Variants in TNS3 observed in about 807,000 individuals in gnomAD.
The protein encoded by TNS3 is tensin 3.
In TNS3, 45 loss-of-function variants were observed where a neutral mutation model predicts 140.9. The ratio of observed to expected loss-of-function variants is 0.32; its 90% CI spans 0.25 to 0.41. TNS3 has a LOEUF of 0.41. TNS3 is among the 10% of genes least tolerant of loss of function. The pLI, the probability that TNS3 is intolerant of heterozygous loss-of-function variation, is 1.00. For synonymous variants in TNS3, 815 were observed against 788.4 expected (o/e 1.03, Z -0.56); for missense variants, 1,716 against 1,906.7 (o/e 0.90, Z 1.86).
Position 47,305,050 on chromosome 7 carries a change from G to T in TNS3, c.2651-47C>A. On this transcript the variant is annotated intron_variant, in intron 20 of 30. Coordinates refer to ENST00000311160, the MANE Select transcript of TNS3 (RefSeq NM_022748.12). ...CAGAGAGACCTCGGTTGTAGGACTG[G>T]AGAAGTCATAATCTCTGCTGCTTTT... 3 of 1,305,984 alleles carry T rather than the reference G, an allele frequency of 2.3e-6. No homozygotes were observed. In the East Asian group the frequency reaches 8.4e-5, roughly 37 times the overall value. The allele number at this position is 1,305,984 out of a possible 1,614,324, so 80.9% of individuals were successfully genotyped here. A position where few individuals can be genotyped will look rare whatever the true frequency, so the allele number is the denominator to read the frequency against.
rs896174124 is a variant in TNS3, at chr7:47,408,326, C to T, written c.723+3401G>A. The stretch of plus-strand genomic sequence containing the variant: ...CACCCCTTCCAAGTCCCACCCACAC[C>T]GCCCACTCAAAGCCTCATTCCAACT... On this transcript the variant is annotated intron_variant, in intron 13 of 30. Transcript: ENST00000311160. Among the ~76,000 whole-genome samples the T allele has an allele frequency of 4.6e-5, 7 of 152,304 alleles. No individual in the cohort carries two copies. In the South Asian group the frequency reaches 6.2e-4, roughly 14 times the overall value.
In TNS3 at chr7:47,337,140, T is replaced by C. The variant is rs574131341; in HGVS notation, c.2650+7615A>G. 5.3e-5 allele frequency among the ~76,000 whole-genome samples: 8 copies of C among 152,370 alleles called. No individual in the cohort carries two copies. In the East Asian group the frequency reaches 7.7e-4, roughly 15 times the overall value. ...TTAGCAAGAACCCCCCTACCCTTGA[T>C]GTCCCTTCTTAATGACTTTCCATCC... On this transcript the variant is annotated intron_variant, in intron 20 of 30. Coordinates refer to ENST00000311160, the MANE Select transcript of TNS3 (RefSeq NM_022748.12).
At chr7:47,442,116 A>G in intron 4 of TNS3, 61 bp from the exon 5 acceptor site, 1 of 1,097,650 alleles carries the variant, frequency 9.1e-7, no homozygotes, top group Non-Finnish European at 1.2e-6. Flanking sequence ...TACATGACAC[A>G]GACACCACTG....
chr7:47,292,900 G>T lies in TNS3; in HGVS notation c.3778C>A (p.Leu1260Met). Residue 1260 changes from leucine to methionine, a missense_variant, in exon 26 of 31, where the codon CTG becomes ATG. This residue lies in a region of TNS3 where 216 missense variants were observed against 295.7 expected (regional missense o/e 0.73). Transcript: ENST00000311160. ...GCSNEPYFGS[L>M]TALVCQHSIT... ...GAATGCTGGCACACCAAGGCCGTCAGGCTCCCTGCAAAGTGGACAGACAGC... is the reference window on the plus strand; with the variant it reads ...GAATGCTGGCACACCAAGGCCGTCATGCTCCCTGCAAAGTGGACAGACAGC... 1 of 1,614,060 alleles carries T rather than the reference G, an allele frequency of 6.2e-7. No individual in the cohort carries two copies. The highest frequency in any genetic ancestry group is 1.3e-5 in the African/African-American group (1 of 75,054).
chr7:47,496,770 G>A (rs895214623), intron 3 of TNS3, among the ~76,000 whole-genome samples: 13 of 152,202 alleles, frequency 8.5e-5, no homozygotes, highest in African/African-American at 3.1e-4. Flanking sequence ...AAGCAGGCAG[G>A]GACACCTGCA....
intron 1 of TNS3, among the ~76,000 whole-genome samples, chr7:47,577,193 T>C (rs1182986514): frequency 6.6e-6 from 1 of 152,182 alleles, no homozygotes. Context: ...TCATCCTTCC[T>C]GGGTGCCGAC....
At chr7:47,429,563 T>A (rs983600294) in intron 8 of TNS3, among the ~76,000 whole-genome samples, 1 of 152,110 alleles carries the variant, frequency 6.6e-6, no homozygotes, top group African/African-American at 2.4e-5. Context: ...GAGATGGGGT[T>A]TCACCATGTT....
At chr7:47,339,465 C>T (rs892297380) in intron 20 of TNS3, among the ~76,000 whole-genome samples, 1 of 152,134 alleles carries the variant, frequency 6.6e-6, no homozygotes, top group African/African-American at 2.4e-5. Context: ...CCCCGACTTG[C>T]TTCTGTACCT....
chr7:47,351,849 G>A (rs1375964670), intron 17 of TNS3, among the ~76,000 whole-genome samples: 2 of 152,098 alleles, frequency 1.3e-5, no homozygotes, highest in Admixed American at 1.3e-4. Flanking sequence ...GCTCCCTGGA[G>A]ACTGGAGCTG....
intron 19 of TNS3, 31 bp from the exon 20 acceptor site, chr7:47,344,869 G>C (rs751109502): frequency 6.2e-7 from 1 of 1,613,444 alleles, no homozygotes; most frequent in Non-Finnish European, 8.5e-7. Context: ...AGGGGCTGTT[G>C]TCACCCTCCT....
At chr7:47,336,088 G>T (rs76722723) in intron 20 of TNS3, among the ~76,000 whole-genome samples, 1 of 151,756 alleles carries the variant, frequency 6.6e-6, no homozygotes, top group African/African-American at 2.4e-5. Context: ...TGCTGAATGC[G>T]GAAAATCTTT....
At chr7:47,406,774 A>C (rs1417506096) in intron 13 of TNS3, among the ~76,000 whole-genome samples, 1 of 152,184 alleles carries the variant, frequency 6.6e-6, no homozygotes, top group Non-Finnish European at 1.5e-5. Context: ...TGAACTTTAC[A>C]CAGAAAAGGC....
intron 27 of TNS3, among the ~76,000 whole-genome samples, chr7:47,291,071 C>G (rs1460420786): frequency 6.6e-6 from 1 of 152,078 alleles, no homozygotes; most frequent in Non-Finnish European, 1.5e-5. Context: ...TGAAAGGAGC[C>G]AACCTCAAAA....
chr7:47,484,068 C>A (rs1797524905), intron 3 of TNS3, among the ~76,000 whole-genome samples: 1 of 152,202 alleles, frequency 6.6e-6, no homozygotes, highest in Non-Finnish European at 1.5e-5. Context: ...GCAGCCTTGC[C>A]CTGAGCCTCC....
intron 1 of TNS3, among the ~76,000 whole-genome samples, chr7:47,541,687 G>A (rs1456064805): frequency 6.6e-6 from 1 of 152,102 alleles, no homozygotes; most frequent in African/African-American, 2.4e-5. Context: ...AGTGACTCAC[G>A]CCTGTAATCC....
intron 16 of TNS3, among the ~76,000 whole-genome samples, chr7:47,384,266 C>G (rs1791944958): frequency 6.6e-6 from 1 of 152,234 alleles, no homozygotes; most frequent in African/African-American, 2.4e-5. Flanking sequence ...TCTGGAGGGG[C>G]AGCTGTGTGC....
intron 15 of TNS3, among the ~76,000 whole-genome samples, chr7:47,399,223 A>G (rs916001663): frequency 6.6e-6 from 1 of 152,180 alleles, no homozygotes; most frequent in African/African-American, 2.4e-5. Flanking sequence ...GATTGGAAGA[A>G]TCAATATACT....
intron 4 of TNS3, among the ~76,000 whole-genome samples, chr7:47,443,758 C>G (rs924068281): frequency 1.3e-5 from 2 of 152,044 alleles, no homozygotes; most frequent in African/African-American, 4.8e-5. Flanking sequence ...CACGTCTCTA[C>G]TAAAAATACA....
In TNS3 at chr7:47,314,563, T is replaced by C. The variant is rs144223217; in HGVS notation, c.2651-9560A>G. ...TGAGTTCACTTCATTTCTAGAAATG[T>C]GGCTCACCATAAGAACAGGCAGAAT... On this transcript the variant is annotated intron_variant, in intron 20 of 30. Coordinates refer to ENST00000311160, the MANE Select transcript of TNS3 (RefSeq NM_022748.12). Among the ~76,000 whole-genome samples, 624 of 152,330 alleles carry C rather than the reference T, an allele frequency of 4.1e-3. 4 individuals are homozygous for C. The highest frequency in any genetic ancestry group is 0.014 in the African/African-American group (582 of 41,580).
Sources: gnomAD v4.1 joint callset for allele counts (sites outside exome capture counted in the v4.1 genomes callset) on GRCh38, gnomAD v4.1.1 for gene constraint, gnomAD v4.1.1 regional missense constraint, MANE v1.5 for transcripts, NCBI Gene and HGNC (gene_info 2026-07-23, HGNC 2026-07-21) for gene names.